Variants in PTPRT observed in about 807,000 individuals in gnomAD.
PTPRT encodes the protein receptor-type tyrosine-protein phosphatase T.
In PTPRT, 56 loss-of-function variants were observed where a neutral mutation model predicts 176.8. That is an observed-to-expected ratio of 0.32 (90% CI 0.26 to 0.40). PTPRT has a LOEUF of 0.40. Among genes scored for constraint, PTPRT ranks in the 10% least tolerant of loss-of-function variants. The pLI, the probability that PTPRT is intolerant of heterozygous loss-of-function variation, is 1.00. For missense variants in PTPRT, 1,540 were observed against 1,908.2 expected (o/e 0.81, Z 3.60); for synonymous variants, 783 against 739.0 (o/e 1.06, Z -0.96).
intron 1 of PTPRT, among the ~76,000 whole-genome samples, chr20:42,941,088 A>AAAAAAAAAT (rs1555807280): frequency 3.3e-5 from 5 of 150,472 alleles, no homozygotes; most frequent in Middle Eastern, 3.4e-3. Flanking sequence ...TCTCAAAAAA[A>AAAAAAAAAT]AATAATAATA....
intron 7 of PTPRT, among the ~76,000 whole-genome samples, chr20:42,627,502 C>A (rs1341524782): frequency 1.3e-5 from 2 of 152,008 alleles, no homozygotes; most frequent in Non-Finnish European, 2.9e-5. Flanking sequence ...GAACTCCTGG[C>A]ATCAAGCAAT....
chr20:42,821,593 T>C lies in PTPRT; in HGVS notation c.215-30127A>G, dbSNP rs1426340100. On this transcript the variant is annotated intron_variant, in intron 2 of 30. Coordinates refer to ENST00000373187, the MANE Select transcript of PTPRT (RefSeq NM_007050.6). ...AGGCAAGAGGAAGAAATAAAGGGTA[T>C]TAAAATAGGAAGACAGGAAGTCAAG... 4.6e-5 allele frequency among the ~76,000 whole-genome samples: 7 copies of C among 152,174 alleles called. No homozygotes were observed. In the Middle Eastern group the frequency reaches 0.01, roughly 222 times the overall value.
In PTPRT at chr20:42,832,505, C is replaced by T. The variant is rs535307332; in HGVS notation, c.215-41039G>A. On this transcript the variant is annotated intron_variant, in intron 2 of 30. Coordinates refer to ENST00000373187, the MANE Select transcript of PTPRT (RefSeq NM_007050.6). ...GCACACATACTCCTGAAACTAAAAG[C>T]TAAAAAAAAAGACATTTTGAAGAGC... Among the ~76,000 whole-genome samples, 352 of 149,982 alleles carry T rather than the reference C, an allele frequency of 2.3e-3. 1 individual carries two copies. Among genetic ancestry groups the T allele is most frequent in the Non-Finnish European group, 4.4e-3 (296 of 67,534 alleles).
chr20:42,547,043 T>C (rs2072688849), intron 7 of PTPRT, among the ~76,000 whole-genome samples: 1 of 152,162 alleles, frequency 6.6e-6, no homozygotes. Flanking sequence ...ACTTGCTTGA[T>C]TCAGGGTTGC....
chr20:42,478,187 G>T (rs1056151013), intron 7 of PTPRT, among the ~76,000 whole-genome samples: 1 of 152,176 alleles, frequency 6.6e-6, no homozygotes, highest in Non-Finnish European at 1.5e-5. Context: ...GGGCCCTTGT[G>T]GGGAGAGATG....
intron 15 of PTPRT, among the ~76,000 whole-genome samples, chr20:42,217,351 G>A (rs995805949): frequency 1.4e-5 from 2 of 147,916 alleles, no homozygotes; most frequent in Non-Finnish European, 3.0e-5. Flanking sequence ...CTCCAGCCTG[G>A]GGGATAGAGT....
At chr20:43,032,144 C>G (rs1165161608) in intron 1 of PTPRT, among the ~76,000 whole-genome samples, 1 of 152,140 alleles carries the variant, frequency 6.6e-6, no homozygotes, top group Non-Finnish European at 1.5e-5. Flanking sequence ...ACCTGAGTCC[C>G]TTGTCTGAGG....
At chr20:42,844,994 T>C in intron 2 of PTPRT, among the ~76,000 whole-genome samples, 1 of 152,184 alleles carries the variant, frequency 6.6e-6, no homozygotes, top group East Asian at 1.9e-4. Context: ...GAGTGGCTAG[T>C]GCTTTGCTTG....
chr20:43,019,456 T>C (rs1380211155), intron 1 of PTPRT, among the ~76,000 whole-genome samples: 1 of 151,556 alleles, frequency 6.6e-6, no homozygotes, highest in Non-Finnish European at 1.5e-5. Flanking sequence ...CCATCTCTAT[T>C]AAAAATACAA....
intron 7 of PTPRT, among the ~76,000 whole-genome samples, chr20:42,666,919 A>G (rs1357255787): frequency 6.6e-6 from 1 of 152,114 alleles, no homozygotes; most frequent in Non-Finnish European, 1.5e-5. Flanking sequence ...TTTTCAGTTA[A>G]GTTTATTCTC....
chr20:42,811,044 T>C (rs1348432647), intron 2 of PTPRT, among the ~76,000 whole-genome samples: 1 of 152,222 alleles, frequency 6.6e-6, no homozygotes, highest in Non-Finnish European at 1.5e-5. Context: ...TACCCATAAC[T>C]CTGCCATCTA....
chr20:42,842,873 A>T lies in PTPRT; in HGVS notation c.214+42934T>A, dbSNP rs532124950. ...AGAGGGGGTCCCTCAAGCCTCTTTT[A>T]TAAGGACACAAATCCCATTCACAAG... is the stretch of plus-strand genomic sequence containing the variant. On this transcript the variant is annotated intron_variant, in intron 2 of 30. Coordinates refer to ENST00000373187, the MANE Select transcript of PTPRT (RefSeq NM_007050.6). Among the ~76,000 whole-genome samples the T allele has an allele frequency of 4.5e-3, 687 of 152,300 alleles. 4 individuals carry two copies. The highest frequency in any genetic ancestry group is 7.8e-3 in the Non-Finnish European group (531 of 68,026).
chr20:42,783,657 T>A (rs540174341), intron 3 of PTPRT, among the ~76,000 whole-genome samples: 3 of 152,278 alleles, frequency 2.0e-5, no homozygotes, highest in African/African-American at 7.2e-5. Flanking sequence ...GACAAGGTGA[T>A]GCCTGGACCC....
rs9808583 is a variant in PTPRT at position 42,762,950 on chromosome 20, T to C, written c.685-6314A>G. Among the ~76,000 whole-genome samples, 1,288 of 152,346 alleles carry C rather than the reference T, an allele frequency of 8.5e-3. 14 individuals are homozygous for C. The highest frequency in any genetic ancestry group is 0.029 in the African/African-American group (1,211 of 41,574). On this transcript the variant is annotated intron_variant, in intron 5 of 30. Coordinates refer to ENST00000373187, the MANE Select transcript of PTPRT (RefSeq NM_007050.6). ...TTCCCTTGGCTTACTTTGTTTTATG[T>C]GGATAAGTCGGCTTGGTTTGAGAGC...
At chr20:42,272,946 A>G (rs2056964365) in intron 13 of PTPRT, among the ~76,000 whole-genome samples, 1 of 152,164 alleles carries the variant, frequency 6.6e-6, no homozygotes. Flanking sequence ...GTTCGACATG[A>G]TAATTGTTAC....
intron 7 of PTPRT, among the ~76,000 whole-genome samples, chr20:42,585,831 T>G (rs977285744): frequency 3.9e-5 from 6 of 152,026 alleles, no homozygotes; most frequent in Non-Finnish European, 5.9e-5. Context: ...GTCTAATTAT[T>G]TTTTCCCAAT....
intron 1 of PTPRT, among the ~76,000 whole-genome samples, chr20:43,145,263 C>A (rs770873196): frequency 6.1e-4 from 93 of 152,180 alleles, no homozygotes; most frequent in Non-Finnish European, 1.2e-3. Flanking sequence ...TTACTTATTT[C>A]TTTATTTATT....
intron 1 of PTPRT, among the ~76,000 whole-genome samples, chr20:43,038,365 T>G (rs1342019083): frequency 1.3e-5 from 2 of 152,184 alleles, no homozygotes; most frequent in African/African-American, 4.8e-5. Flanking sequence ...TATTTAGAAA[T>G]TTAGTCATAC....
rs117330823 is a variant in PTPRT, at chr20:42,541,291, G to A, written c.1154-68729C>T. On this transcript the variant is annotated intron_variant, in intron 7 of 30. Transcript: ENST00000373187. ...CTGAAAATGATGAGCATTACATGGG[G>A]TGAAGGTGGGTGTTGGGGGTAGATT... 9.0e-3 allele frequency among the ~76,000 whole-genome samples: 1,362 copies of A among 152,084 alleles called. 6 individuals are homozygous for A. Among genetic ancestry groups the A allele is most frequent in the Non-Finnish European group, 0.015 (1,021 of 67,994 alleles).
Sources: allele counts gnomAD v4.1 joint callset (sites outside exome capture counted in the v4.1 genomes callset), GRCh38; gene constraint gnomAD v4.1.1; transcripts MANE v1.5; gene names NCBI Gene and HGNC (gene_info 2026-07-23, HGNC 2026-07-21).